The following EP400 variants were observed in gnomAD, a reference collection of about 807,000 sequenced individuals.
EP400 encodes the protein E1A-binding protein p400.
A neutral mutation model predicts 354.1 loss-of-function variants in EP400; 105 were observed. That is an observed-to-expected ratio of 0.30 (90% CI 0.25 to 0.35). The LOEUF (loss-of-function observed/expected upper bound fraction) is 0.35, where lower values mean the gene tolerates loss of function less well. Among genes scored for constraint, EP400 ranks in the 10% least tolerant of loss-of-function variants. EP400 has a pLI of 1.00. For missense variants in EP400, 3,280 were observed against 4,121.0 expected (o/e 0.80, Z 5.59); for synonymous variants, 1,646 against 1,716.9 (o/e 0.96, Z 1.02).
Position 132,079,524 on chromosome 12 carries a change from T to A in EP400, c.*1851T>A, listed in dbSNP as rs1896325353. The A allele has an allele frequency of 6.6e-6, 1 of 152,294 alleles. No individual in the cohort carries two copies. Among genetic ancestry groups the A allele is most frequent in the Admixed American group, 6.5e-5 (1 of 15,290 alleles). The allele number at this position is 152,294 out of a possible 1,614,324, so 9.4% of individuals were successfully genotyped here. On this transcript the variant is annotated 3_prime_UTR_variant, in exon 53 of 53. Coordinates refer to ENST00000389561, the MANE Select transcript of EP400 (RefSeq NM_015409.5). ...GTCATTTGTTTTAATTTGTGTGCCC[T>A]GTTCATTTTTTTTGTCTTTCCCAAA... is the stretch of plus-strand genomic sequence containing the variant.
At chr12:132,053,315 TG>T in intron 42 of EP400, 27 bp from the exon 43 acceptor site, 7 of 1,596,752 alleles carry the variant, frequency 4.4e-6, no homozygotes, top group Non-Finnish European at 6.0e-6. Context: ...GCCCCTCCAG[TG>T]GCTCCTCTTC....
rs771630944 is a variant in EP400 at position 131,990,065 on chromosome 12, G to A, written c.2511G>A (p.Thr837=). 1.2e-5 allele frequency: 20 copies of A among 1,612,140 alleles called. No individual in the cohort carries two copies. Among genetic ancestry groups the A allele is most frequent in the Non-Finnish European group, 1.6e-5 (19 of 1,179,554 alleles). ...GACTGAGGCGGATAGCCGCCTCCAC[G>A]GCCCGGGAGATAGAGTGCTTTTGGT... ...QSRLRRIAAS[T]AREIECFWSN... Residue 837 remains threonine (T), a synonymous_variant, in exon 8 of 53, where the codon ACG becomes ACA. Transcript: ENST00000389561. This position sits in a 1 kb window ranked among gnomAD's most constrained non-coding sequence, Gnocchi z 4.2.
chr12:132,043,190 G>C, intron 32 of EP400, 114 bp from the exon 33 acceptor site: 1 of 1,132,398 alleles, frequency 8.8e-7, no homozygotes, highest in Non-Finnish European at 1.2e-6. Flanking sequence ...CCTTTATGGA[G>C]AGTGGGTGAT....
chr12:132,032,673 C>T (rs865989327), intron 30 of EP400, among the ~76,000 whole-genome samples: 46 of 147,858 alleles, frequency 3.1e-4, no homozygotes, highest in South Asian at 8.5e-4. Context: ...CTCTGTCGCT[C>T]AGGCGGTAGT....
At chr12:132,068,488 G>A (rs957810064) in intron 50 of EP400, 2 of 152,330 alleles carry the variant, frequency 1.3e-5, no homozygotes, top group Non-Finnish European at 2.9e-5. Context: ...GCTACCTCCT[G>A]CAGAAGACCA....
chr12:132,012,458 G>A (rs973649435), intron 16 of EP400, among the ~76,000 whole-genome samples: 1 of 152,156 alleles, frequency 6.6e-6, no homozygotes, highest in Non-Finnish European at 1.5e-5. Context: ...GGTCCAAGCT[G>A]GTTCCCTCCA....
chr12:132,003,622 G>A (rs1372700097), intron 12 of EP400, among the ~76,000 whole-genome samples: 4 of 152,150 alleles, frequency 2.6e-5, no homozygotes, highest in African/African-American at 7.2e-5. Context: ...AGTTTCCAGT[G>A]GTTTGGCTTG....
chr12:132,034,653 G>A (rs1476770137), intron 30 of EP400, among the ~76,000 whole-genome samples: 1 of 152,202 alleles, frequency 6.6e-6, no homozygotes, highest in African/African-American at 2.4e-5. Context: ...TGGGGATTTC[G>A]CATGTTACAA....
At chr12:131,981,291 A>T (rs749491651) in intron 3 of EP400, among the ~76,000 whole-genome samples, 198 bp from the exon 4 acceptor site, 2 of 152,076 alleles carry the variant, frequency 1.3e-5, no homozygotes, top group African/African-American at 4.8e-5. Context: ...TGGCCTTTTC[A>T]TGATGCTTTT....
At position 131,986,469 on chromosome 12, in the gene EP400, G is replaced by A. The variant is rs200084092; in HGVS notation, c.1930-45G>A. 26 of 1,540,602 alleles carry A rather than the reference G, an allele frequency of 1.7e-5. No homozygotes were observed. The African/African-American group carries it at 2.9e-4, about 17-fold the overall frequency. On this transcript the variant is annotated intron_variant, in intron 5 of 52. Transcript: ENST00000389561. ...GGTATTTGGCACCGTGGGCTGCCCC[G>A]ACATCTTTTCTTCACCTTGCTCCAC...
intron 52 of EP400, 82 bp from the exon 53 acceptor site, chr12:132,077,319 C>T: frequency 6.6e-7 from 1 of 1,521,932 alleles, no homozygotes; most frequent in South Asian, 1.3e-5. Context: ...CTCGAGTCCT[C>T]CCCATCCCAA....
At position 132,017,142 on chromosome 12, in the gene EP400, A is replaced by G. The variant is rs573804038; in HGVS notation, c.3924-393A>G. ...TCGTCTACCCCCGCTCACTGCCTGC[A>G]GGGCCAGTGTAGGACCAGGCGTCAG... On this transcript the variant is annotated intron_variant, in intron 19 of 52. Transcript: ENST00000389561. This position sits in a 1 kb window ranked among gnomAD's most constrained non-coding sequence, Gnocchi z 5.0. 1.4e-3 allele frequency among the ~76,000 whole-genome samples: 212 copies of G among 152,148 alleles called. 1 individual carries two copies. The highest frequency in any genetic ancestry group is 3.3e-3 in the Admixed American group (51 of 15,304).
In EP400 at chr12:132,029,133, T is replaced by C. The variant is rs1894400083; in HGVS notation, c.5382-568T>C. The C allele has an allele frequency of 6.5e-6, 1 of 154,498 alleles. No individual in the cohort carries two copies. The highest frequency in any genetic ancestry group is 1.4e-5 in the Non-Finnish European group (1 of 69,666). 9.6% of individuals were successfully genotyped at this position (154,498 alleles called of 1,614,324 possible). On this transcript the variant is annotated intron_variant, in intron 27 of 52. Coordinates refer to ENST00000389561, the MANE Select transcript of EP400 (RefSeq NM_015409.5). This position sits in a 1 kb window ranked among gnomAD's most constrained non-coding sequence, Gnocchi z 4.7. ...TGTACTCCTCCCTCATTGAACATCA[T>C]GGGTGACCATTCGTTCAGTTTGAAT... is the stretch of plus-strand genomic sequence containing the variant.
chr12:131,952,065 A>G (rs982253865), intron 1 of EP400, among the ~76,000 whole-genome samples: 41 of 151,406 alleles, frequency 2.7e-4, no homozygotes, highest in South Asian at 2.1e-4. Context: ...GATTACAGGC[A>G]TGGTGAGCCA....
Position 132,076,564 on chromosome 12 carries a change from A to T in EP400, c.9070A>T (p.Ile3024Phe), listed in dbSNP as rs1896245874. Residue 3024 changes from isoleucine (I) to phenylalanine (F), a missense_variant, in exon 52 of 53, where the codon ATC (isoleucine) becomes TTC (phenylalanine). Physicochemically the swap from Ile to Phe is conservative, Grantham distance 21. This residue lies in a region of EP400 where 279 missense variants were observed against 386.7 expected (regional missense o/e 0.72). Transcript: ENST00000389561. ...VVQQQTPVASIQQVASASQQA... is the reference protein window; with the variant it reads ...VVQQQTPVASFQQVASASQQA... The stretch of plus-strand genomic sequence containing the variant: ...TCAACAGCAAACACCCGTGGCCAGC[A>T]TCCAGCAAGTTGCCTCTGCTTCCCA... 1 of 1,612,990 alleles carries T rather than the reference A, an allele frequency of 6.2e-7. No individual in the cohort carries two copies. Among genetic ancestry groups the T allele is most frequent in the Admixed American group, 1.7e-5 (1 of 59,960 alleles).
chr12:131,989,917 G>C, intron 7 of EP400, 47 bp from the exon 8 acceptor site: 1 of 1,584,866 alleles, frequency 6.3e-7, no homozygotes, highest in South Asian at 1.2e-5. Flanking sequence ...TTTTTTTCCA[G>C]CATGACATAG....
In EP400 at chr12:131,960,816, C is replaced by T; in HGVS notation, c.197C>T (p.Pro66Leu). Residue 66 changes from proline (P) to leucine (L), a missense_variant, in exon 2 of 53, where the codon CCT (proline) becomes CTT (leucine). This residue lies in a region of EP400 where 172 missense variants were observed against 242.9 expected (regional missense o/e 0.71). Transcript: ENST00000389561. Reference protein sequence around the residue: ...YQIQQLMNRSPATGQNVNITL... With the variant: ...YQIQQLMNRSLATGQNVNITL... Reference sequence around the variant, plus strand: ...ATACAGCAGCTGATGAATAGGAGCCCTGCAACCGGGCAGAACGTGAACATC... The same window carrying T: ...ATACAGCAGCTGATGAATAGGAGCCTTGCAACCGGGCAGAACGTGAACATC... The T allele has an allele frequency of 4.3e-6, 7 of 1,613,678 alleles. No homozygotes were observed. Among genetic ancestry groups the T allele is most frequent in the Non-Finnish European group, 5.1e-6 (6 of 1,179,986 alleles).
chr12:132,036,638 G>A (rs986800629), intron 30 of EP400, among the ~76,000 whole-genome samples: 2 of 152,294 alleles, frequency 1.3e-5, no homozygotes, highest in African/African-American at 4.8e-5. Context: ...ACCAAGGTGG[G>A]TGGAAATGCC....
rs1203891714 is a variant in EP400 at position 132,053,437 on chromosome 12, C to T, written c.7568C>T (p.Pro2523Leu). 2.6e-6 allele frequency: 4 copies of T among 1,525,062 alleles called. No homozygotes were observed. Among genetic ancestry groups the T allele is most frequent in the Admixed American group, 3.9e-5 (2 of 50,802 alleles). The allele number at this position is 1,525,062 out of a possible 1,614,324, so 94.5% of individuals were successfully genotyped here. The change falls in exon 43 of 53, where the codon CCA becomes CTA. Residue 2523 changes from proline to leucine, a missense_variant. Physicochemically the swap from Pro to Leu is moderately conservative, Grantham distance 98 (BLOSUM62 -3). Transcript: ENST00000389561. ...CCACCACCCCCGCAGCAGCCACCGCCACCGCTGCCACAACCACAGGCAGCG... is the reference window on the plus strand; with the variant it reads ...CCACCACCCCCGCAGCAGCCACCGCTACCGCTGCCACAACCACAGGCAGCG... The part of the protein sequence containing the change: ...QPPPPPQQPP[P>L]PLPQPQAAGS...
Sources: gnomAD v4.1 joint callset for allele counts (sites outside exome capture counted in the v4.1 genomes callset) on GRCh38, gnomAD v4.1.1 for gene constraint, gnomAD v4.1.1 regional missense constraint, Gnocchi (gnomAD v3.1) non-coding constraint, MANE v1.5 for transcripts, NCBI Gene and HGNC (gene_info 2026-07-23, HGNC 2026-07-21) for gene names.